Variants in ANK1 observed in about 807,000 individuals in gnomAD.
The protein encoded by ANK1 is ankyrin-1.
Under a neutral mutation model 210.4 loss-of-function variants are expected in ANK1, and 51 were observed. The ratio of observed to expected loss-of-function variants is 0.24; its 90% CI spans 0.19 to 0.31. The LOEUF (loss-of-function observed/expected upper bound fraction) is 0.31, where lower values mean the gene tolerates loss of function less well. ANK1 is among the 10% of genes least tolerant of loss of function. The probability of loss-of-function intolerance (pLI) is 1.00; values close to 1 mark genes in which losing one functional copy is unlikely to be tolerated. For synonymous variants in ANK1, 967 were observed against 1,025.9 expected (o/e 0.94, Z 1.10); for missense variants, 2,051 against 2,504.4 (o/e 0.82, Z 3.86).
rs929244464 is a variant in ANK1 at position 41,668,350 on chromosome 8, A to G, written c.5311T>C (p.Ser1771Pro). 1.2e-6 allele frequency: 2 copies of G among 1,614,016 alleles called. No homozygotes were observed. The highest frequency in any genetic ancestry group is 1.7e-6 in the Non-Finnish European group (2 of 1,180,024). Residue 1771 changes from serine (S) to proline (P), a missense_variant, in exon 39 of 43, where the codon TCC (serine) becomes CCC (proline). Physicochemically the swap from Ser to Pro is moderately conservative, Grantham distance 74. Around this residue, in one of 6 missense-constraint regions of ANK1, gnomAD observed 496 missense variants for 533.4 expected, o/e 0.93. Transcript: ENST00000289734. ...TGCCTCCGGTCCCTGTCGGCCTGGGAGCTCTCAGCCTCGGGCTGTTCTGTC... is the reference window on the plus strand; with the variant it reads ...TGCCTCCGGTCCCTGTCGGCCTGGGGGCTCTCAGCCTCGGGCTGTTCTGTC... Reference protein sequence around the residue: ...TWTEQPEAESSQADRDRRQQG... With the variant: ...TWTEQPEAESPQADRDRRQQG...
chr8:41,723,780 T>C, intron 7 of ANK1, 147 bp from the exon 8 acceptor site: 1 of 507,968 alleles, frequency 2.0e-6, no homozygotes, highest in Non-Finnish European at 3.4e-6. Flanking sequence ...ATTTTATTTT[T>C]TTTTATTTTT....
rs1819601759 is a variant in ANK1 at position 41,692,657 on chromosome 8, C to T, written c.3849G>A (p.Arg1283=). Reference sequence around the variant, plus strand: ...GGCCCAGCCCTGTTACCTCTATGTCCCTGCTCCGGGCCACCTCCACGAAGT... The same window carrying T: ...GGCCCAGCCCTGTTACCTCTATGTCTCTGCTCCGGGCCACCTCCACGAAGT... ...HENFVEVARS[R]DIEVLEGMSL... is the part of the protein sequence containing the mutation. Residue 1283 remains arginine (R), a synonymous_variant, in exon 31 of 43, where the codon AGG becomes AGA. Transcript: ENST00000289734. 4 of 1,613,558 alleles carry T rather than the reference C, an allele frequency of 2.5e-6. No homozygotes were observed. Among genetic ancestry groups the T allele is most frequent in the Non-Finnish European group, 3.4e-6 (4 of 1,179,972 alleles).
chr8:41,724,497 A>C lies in ANK1; in HGVS notation c.670T>G (p.Leu224Val). 1 of 1,601,176 alleles carries C rather than the reference A, an allele frequency of 6.2e-7. No homozygotes were observed. The highest frequency in any genetic ancestry group is 8.5e-7 in the Non-Finnish European group (1 of 1,173,972). ...AHYENLNVAQ[L>V]LLNRGASVNF... ...ACGCTGGCTCCTCTGTTGAGGAGCAACTGGGCCACGTTGAGGTTCTCGTAG... is the reference window on the plus strand; with the variant it reads ...ACGCTGGCTCCTCTGTTGAGGAGCACCTGGGCCACGTTGAGGTTCTCGTAG... The change falls in exon 7 of 43, where the codon TTG (leucine) becomes GTG (valine). Residue 224 changes from leucine to valine, a missense_variant. By Grantham distance (32) the Leu-to-Val change is conservative. Transcript: ENST00000289734.
chr8:41,896,025 C>T (rs1240123518), intron 1 of ANK1, among the ~76,000 whole-genome samples: 2 of 152,186 alleles, frequency 1.3e-5, no homozygotes, highest in African/African-American at 4.8e-5. Context: ...CAGCCAAGGC[C>T]GGGAAAGTTG....
chr8:41,798,191 C>A (rs747321153), upstream of ANK1, among the ~76,000 whole-genome samples: 4 of 151,502 alleles, frequency 2.6e-5, no homozygotes, highest in Non-Finnish European at 4.4e-5. Flanking sequence ...GTCCTTCTGG[C>A]CGGCCCCTCC....
At chr8:41,892,795 A>T (rs1215825868) in intron 1 of ANK1, among the ~76,000 whole-genome samples, 1 of 152,174 alleles carries the variant, frequency 6.6e-6, no homozygotes, top group Admixed American at 6.5e-5. Flanking sequence ...ATATTAATTC[A>T]CTCATTCAAC....
chr8:41,684,962 C>T (rs1193085846), intron 36 of ANK1, among the ~76,000 whole-genome samples: 4 of 152,154 alleles, frequency 2.6e-5, no homozygotes, highest in Non-Finnish European at 5.9e-5. Context: ...ATTTATTGGT[C>T]TCACTCTGTC....
intron 17 of ANK1, 114 bp downstream of exon 17, chr8:41,708,664 G>T: frequency 8.5e-7 from 1 of 1,173,420 alleles, no homozygotes; most frequent in Non-Finnish European, 1.3e-6. Context: ...CTGTTCCAAG[G>T]ATTACACACA....
chr8:41,693,769 A>G, intron 29 of ANK1, 129 bp downstream of exon 29: 1 of 1,018,994 alleles, frequency 9.8e-7, no homozygotes, highest in South Asian at 1.5e-5. Flanking sequence ...TTGGAAGAGC[A>G]CCTCACTCCC....
intron 37 of ANK1, 113 bp downstream of exon 37, chr8:41,684,431 T>G: frequency 1.3e-6 from 2 of 1,503,190 alleles, no homozygotes; most frequent in Non-Finnish European, 1.8e-6. Context: ...CTCCCACCAA[T>G]GGGAGGCAGA....
At chr8:41,816,315 A>T (rs1224353972) in intron 1 of ANK1, among the ~76,000 whole-genome samples, 1 of 152,232 alleles carries the variant, frequency 6.6e-6, no homozygotes, top group Non-Finnish European at 1.5e-5. Flanking sequence ...TTACTTGCAC[A>T]GTTGCTCTTA....
rs770333748 is a variant in ANK1 at position 41,723,587 on chromosome 8, A to G, written c.758T>C (p.Ile253Thr). The change falls in exon 8 of 43, where the codon ATC becomes ACC. Residue 253 changes from isoleucine (I) to threonine (T), a missense_variant. Ile to Thr is a moderately conservative substitution (Grantham distance 89). Transcript: ENST00000289734. Reference protein sequence around the residue: ...LHIASRRGNVIMVRLLLDRGA... With the variant: ...LHIASRRGNVTMVRLLLDRGA... ...CCGATCCAGCAGCAGCCGCACCATG[A>G]TCACGTTGCCCCTGCGGGAGGCGAT... 4 of 1,613,924 alleles carry G rather than the reference A, an allele frequency of 2.5e-6. No homozygotes were observed. The highest frequency in any genetic ancestry group is 2.5e-6 in the Non-Finnish European group (3 of 1,179,958).
chr8:41,672,516 C>T lies in ANK1; in HGVS notation c.4934G>A (p.Arg1645Lys). ...AGAACCTGGCAGCTTCTCTTCTGAC[C>T]TCTGACCTTCCTCCTGTTCAAGCAA... The part of the protein sequence containing the change: ...IDLLEQEEGQ[R>K]SEEKLPGSKR... The change falls in exon 38 of 43, where the codon AGG becomes AAG. Residue 1645 changes from arginine to lysine, a missense_variant. Arg to Lys is a conservative substitution (Grantham distance 26). This residue lies in a region of ANK1 where 496 missense variants were observed against 533.4 expected (regional missense o/e 0.93). Coordinates refer to ENST00000289734, the MANE Select transcript of ANK1 (RefSeq NM_000037.4). 3 of 1,614,250 alleles carry T rather than the reference C, an allele frequency of 1.9e-6. No individual in the cohort carries two copies. Among genetic ancestry groups the T allele is most frequent in the Non-Finnish European group, 2.5e-6 (3 of 1,180,046 alleles).
intron 1 of ANK1, among the ~76,000 whole-genome samples, chr8:41,818,500 A>T (rs1442439654): frequency 3.3e-5 from 5 of 152,308 alleles, no homozygotes; most frequent in African/African-American, 1.2e-4. Context: ...GTTGTTTAGG[A>T]TGTGAGCTCT....
At chr8:41,730,766 C>T (rs1385063522) in intron 3 of ANK1, among the ~76,000 whole-genome samples, 1 of 152,214 alleles carries the variant, frequency 6.6e-6, no homozygotes, top group Non-Finnish European at 1.5e-5. Flanking sequence ...CTCCAAGTGG[C>T]ATCTTCTGGG....
chr8:41,827,392 TAGACTGCTCTCTGAGTTGGA>T (rs1805575202), intron 1 of ANK1, among the ~76,000 whole-genome samples: 1 of 152,196 alleles, frequency 6.6e-6, no homozygotes, highest in Non-Finnish European at 1.5e-5. Context: ...GCGAGCGTCT[TAGACTGCTCTCTGAGTTGGA>T]ATTTAGGGCC....
In ANK1 at chr8:41,719,736, C is replaced by T; in HGVS notation, c.1032G>A (p.Val344=). 1 of 1,614,224 alleles carries T rather than the reference C, an allele frequency of 6.2e-7. No individual in the cohort carries two copies. The highest frequency in any genetic ancestry group is 8.5e-7 in the Non-Finnish European group (1 of 1,180,044). ...CCCTGTGGTGTCCACAGTGGGCAGC[C>T]ACGTGGAGTGGGGTCAGGTGGTCCA... ...ITLDHLTPLH[V]AAHCGHHRVA... The change falls in exon 10 of 43, where the codon GTG becomes GTA. Residue 344 remains valine, a synonymous_variant. Transcript: ENST00000289734.
intron 1 of ANK1, among the ~76,000 whole-genome samples, chr8:41,803,180 A>G (rs368833272): frequency 8.1e-4 from 122 of 150,022 alleles, no homozygotes; most frequent in Middle Eastern, 3.5e-3. Flanking sequence ...AGAGGGAGGG[A>G]GAGAGAGAGA....
chr8:41,675,165 A>G (rs1813735707), intron 37 of ANK1, among the ~76,000 whole-genome samples: 1 of 152,176 alleles, frequency 6.6e-6, no homozygotes. Context: ...ATCTCAGTTC[A>G]CTGTAACCTC....
Sources: gnomAD v4.1 joint callset for allele counts (sites outside exome capture counted in the v4.1 genomes callset) on GRCh38, gnomAD v4.1.1 for gene constraint, gnomAD v4.1.1 regional missense constraint, MANE v1.5 for transcripts, NCBI Gene and HGNC (gene_info 2026-07-23, HGNC 2026-07-21) for gene names.